Variants in NUDT14 observed in about 807,000 individuals in gnomAD.
NUDT14 encodes the protein nudix hydrolase 14, also known as uridine diphosphate glucose pyrophosphatase NUDT14.
In NUDT14, 22 loss-of-function variants were observed where a neutral mutation model predicts 17.5. The ratio of observed to expected loss-of-function variants is 1.26; its 90% CI spans 0.90 to 1.80. The LOEUF (loss-of-function observed/expected upper bound fraction) is 1.80, where lower values mean the gene tolerates loss of function less well. NUDT14 is among the 40% of genes most tolerant of loss of function. The pLI is 0.00. For missense variants in NUDT14, 296 were observed against 295.6 expected (o/e 1.00, Z -0.01); for synonymous variants, 129 against 125.8 (o/e 1.03, Z -0.17).
intron 2 of NUDT14, 26 bp downstream of exon 2, chr14:105,177,666 G>C: frequency 6.2e-7 from 1 of 1,610,622 alleles, no homozygotes. Context: ...GGCTTCCCCA[G>C]TGGCCAGGCT....
In NUDT14 at chr14:105,176,607, C is replaced by T. The variant is rs774444519; in HGVS notation, c.355G>A (p.Ala119Thr). The T allele has an allele frequency of 6.2e-7, 1 of 1,612,778 alleles. No individual in the cohort carries two copies. Among genetic ancestry groups the T allele is most frequent in the South Asian group, 1.1e-5 (1 of 91,088 alleles). The change falls in exon 4 of 5, where the codon GCT becomes ACT. Residue 119 changes from alanine (A) to threonine (T), a missense_variant. Transcript: ENST00000392568. ...CACTCCTCCCAAGCCTCCTTGCAAG[C>T]CACTTCCTCCAGCGAGAGCCCAGGC... is the stretch of plus-strand genomic sequence containing the variant. Reference protein sequence around the residue: ...DQPGLSLEEVACKEAWEECGY... With the variant: ...DQPGLSLEEVTCKEAWEECGY...
intron 1 of NUDT14, among the ~76,000 whole-genome samples, chr14:105,178,109 C>G (rs1048616937): frequency 1.3e-5 from 2 of 151,988 alleles, no homozygotes; most frequent in Non-Finnish European, 2.9e-5. Context: ...GACTCCCTCA[C>G]AGCAGGGCAG....
At chr14:105,177,087 C>A in intron 2 of NUDT14, 60 bp from the exon 3 acceptor site, 3 of 1,516,910 alleles carry the variant, frequency 2.0e-6, no homozygotes, top group Non-Finnish European at 1.8e-6. Flanking sequence ...TGGGGCCCCA[C>A]CTCCCATCTT....
chr14:105,175,589 C>T (rs1219369575), intron 4 of NUDT14: 10 of 333,568 alleles, frequency 3.0e-5, no homozygotes, highest in East Asian at 1.7e-4. Flanking sequence ...TTAGCAGAGG[C>T]GGGGTTTCTC....
Position 105,176,786 on chromosome 14 carries a change from G to A in NUDT14, c.191-15C>T. On this transcript the variant is annotated splice_polypyrimidine_tract_variant and intron_variant, in intron 3 of 4. Coordinates refer to ENST00000392568, the MANE Select transcript of NUDT14 (RefSeq NM_177533.5). ...CGCATACACAGCTGCGTGGGAAGAA[G>A]CCAGACTGTGCTCACAGCCACGTGG... 2 of 1,608,482 alleles carry A rather than the reference G, an allele frequency of 1.2e-6. No homozygotes were observed. The highest frequency in any genetic ancestry group is 1.7e-6 in the Non-Finnish European group (2 of 1,176,930).
chr14:105,181,204 C>G lies in NUDT14; in HGVS notation c.6G>C (p.Glu2Asp). The change falls in exon 1 of 5, where the codon GAG becomes GAC. Residue 2 changes from glutamate (E) to aspartate (D), a missense_variant. Transcript: ENST00000392568. This position sits in a 1 kb window ranked among gnomAD's most constrained non-coding sequence, Gnocchi z 5.0. M[E>D]RIEGASVGRC... ...GGCCCACGGACGCCCCCTCGATGCG[C>G]TCCATGGCGGCGCCCGGACAGGCGG... The G allele has an allele frequency of 1.7e-6, 2 of 1,157,850 alleles. No homozygotes were observed. Among genetic ancestry groups the G allele is most frequent in the Non-Finnish European group, 2.1e-6 (2 of 936,738 alleles). 71.7% of individuals were successfully genotyped at this position (1,157,850 alleles called of 1,614,324 possible). A position where few individuals can be genotyped will look rare whatever the true frequency, so the allele number is the denominator to read the frequency against.
chr14:105,173,316 T>C lies in NUDT14; in HGVS notation c.429-55A>G. 1 of 1,448,330 alleles carries C rather than the reference T, an allele frequency of 6.9e-7. No homozygotes were observed. The highest frequency in any genetic ancestry group is 1.5e-5 in the South Asian group (1 of 64,550). The allele number at this position is 1,448,330 out of a possible 1,614,324, so 89.7% of individuals were successfully genotyped here. A position where few individuals can be genotyped will look rare whatever the true frequency, so the allele number is the denominator to read the frequency against. On this transcript the variant is annotated intron_variant, in intron 4 of 4. Transcript: ENST00000392568. The surrounding 1 kb of genome is among the most constrained non-coding windows in gnomAD (Gnocchi z 4.7). ...ACCCACGCTGGCCCCGCTGGCCCCC[T>C]GGCCCTTCTACCACCCTCCAACCCA...
chr14:105,179,949 ACTGC>A (rs1889291978), intron 1 of NUDT14, among the ~76,000 whole-genome samples: 1 of 152,226 alleles, frequency 6.6e-6, no homozygotes, highest in South Asian at 2.1e-4. Flanking sequence ...GCAGAGAGGC[ACTGC>A]GACCTGGACC....
chr14:105,180,176 G>A (rs1324571405), intron 1 of NUDT14, among the ~76,000 whole-genome samples: 1 of 152,222 alleles, frequency 6.6e-6, no homozygotes, highest in Non-Finnish European at 1.5e-5. Context: ...GATGGCAGCA[G>A]CTCCTTCACC....
rs1013831800 is a variant in NUDT14, at chr14:105,172,956, T to C, written c.*65A>G. 1.3e-4 allele frequency: 183 copies of C among 1,412,122 alleles called. No individual in the cohort carries two copies. The highest frequency in any genetic ancestry group is 1.6e-4 in the Non-Finnish European group (172 of 1,073,514). The allele number at this position is 1,412,122 out of a possible 1,614,324, so 87.5% of individuals were successfully genotyped here. ...GCAGAAGCTGGAGCTATGCAAGCCTTTATTGGGGTCCGCGGGGTGTGGGGT... is the reference window on the plus strand; with the variant it reads ...GCAGAAGCTGGAGCTATGCAAGCCTCTATTGGGGTCCGCGGGGTGTGGGGT... On this transcript the variant is annotated 3_prime_UTR_variant, in exon 5 of 5. Coordinates refer to ENST00000392568, the MANE Select transcript of NUDT14 (RefSeq NM_177533.5).
chr14:105,175,807 T>C, intron 4 of NUDT14: 1 of 1,038,840 alleles, frequency 9.6e-7, no homozygotes, highest in South Asian at 2.7e-5. Context: ...GGCTCAACCC[T>C]GAGTGGCCCA....
In NUDT14 at chr14:105,181,092, C is replaced by G. The variant is rs1008818114; in HGVS notation, c.81+37G>C. 3.0e-5 allele frequency: 22 copies of G among 742,820 alleles called. No homozygotes were observed. The highest frequency in any genetic ancestry group is 5.9e-5 in the Admixed American group (1 of 16,954). 46.0% of individuals were successfully genotyped at this position (742,820 alleles called of 1,614,324 possible). ...GGGCGCGGGTCGTGGGCCGGGCCGC[C>G]GGCGGGGGCGCGGGGGACGCGGGGG... On this transcript the variant is annotated intron_variant, in intron 1 of 4. Transcript: ENST00000392568. This position sits in a 1 kb window ranked among gnomAD's most constrained non-coding sequence, Gnocchi z 5.0.
chr14:105,173,432 T>C lies in NUDT14; in HGVS notation c.429-171A>G, dbSNP rs949552220. 9.5e-6 allele frequency: 6 copies of C among 631,834 alleles called. No homozygotes were observed. The Admixed American group carries it at 1.6e-4, about 17-fold the overall frequency. The allele number at this position is 631,834 out of a possible 1,614,324, so 39.1% of individuals were successfully genotyped here. A position where few individuals can be genotyped will look rare whatever the true frequency, so the allele number is the denominator to read the frequency against. On this transcript the variant is annotated intron_variant, in intron 4 of 4. Coordinates refer to ENST00000392568, the MANE Select transcript of NUDT14 (RefSeq NM_177533.5). The surrounding 1 kb of genome is among the most constrained non-coding windows in gnomAD (Gnocchi z 4.7). ...GATTCCCACCTGGTGTGCACGCCCG[T>C]GGCCCCTCCCGCAGCAGGGCATCCC...
In NUDT14 at chr14:105,176,713, C is replaced by G. The variant is rs756456051; in HGVS notation, c.249G>C (p.Gln83His). 9 of 1,612,644 alleles carry G rather than the reference C, an allele frequency of 5.6e-6. No homozygotes were observed. The highest frequency in any genetic ancestry group is 5.0e-5 in the Admixed American group (3 of 60,014). ...RFPGSLAAVDQDGPRELQPAL... is the reference protein window; with the variant it reads ...RFPGSLAAVDHDGPRELQPAL... ...CTGGCTGTAGCTCCCGAGGCCCGTC[C>G]TGGTCTACAGCTGCTAGGGACCCTG... Residue 83 changes from glutamine (Q) to histidine (H), a missense_variant, in exon 4 of 5, where the codon CAG becomes CAC. Physicochemically the swap from Gln to His is conservative, Grantham distance 24 (BLOSUM62 0). Coordinates refer to ENST00000392568, the MANE Select transcript of NUDT14 (RefSeq NM_177533.5).
Position 105,176,543 on chromosome 14 carries a change from G to T in NUDT14, c.419C>A (p.Ala140Asp). The T allele has an allele frequency of 6.2e-7, 1 of 1,612,356 alleles. No homozygotes were observed. Among genetic ancestry groups the T allele is most frequent in the South Asian group, 1.1e-5 (1 of 91,080 alleles). Residue 140 changes from alanine to aspartate, a missense_variant, in exon 4 of 5, where the codon GCC (alanine) becomes GAC (aspartate). Physicochemically the swap from Ala to Asp is moderately radical, Grantham distance 126. Coordinates refer to ENST00000392568, the MANE Select transcript of NUDT14 (RefSeq NM_177533.5). ...GCCTGGTCCCACTCACCAGTATGTGGCGACCCGGCGCAGATCAGAGGGGGC... is the reference window on the plus strand; with the variant it reads ...GCCTGGTCCCACTCACCAGTATGTGTCGACCCGGCGCAGATCAGAGGGGGC... ...HLAPSDLRRV[A>D]TYWSGVGLTG...
At chr14:105,177,840 C>T (rs183889098) in intron 1 of NUDT14, 105 bp from the exon 2 acceptor site, 10 of 1,096,854 alleles carry the variant, frequency 9.1e-6, no homozygotes, top group South Asian at 4.1e-5. Flanking sequence ...CCAGGGAGAT[C>T]GGCTCGTGGC....
intron 2 of NUDT14, chr14:105,177,250 G>A: frequency 1.5e-6 from 1 of 649,766 alleles, no homozygotes; most frequent in Admixed American, 2.2e-5. Flanking sequence ...CCAGCTGGCA[G>A]GATGGGAGGC....
At chr14:105,175,651 C>A in intron 4 of NUDT14, 2 of 912,540 alleles carry the variant, frequency 2.2e-6, no homozygotes, top group Non-Finnish European at 2.6e-6. Context: ...CCGCCTGCCT[C>A]GGCCTCCCAA....
Position 105,181,264 on chromosome 14 carries a change from G to A in NUDT14, c.-55C>T, listed in dbSNP as rs1207970579. On this transcript the variant is annotated 5_prime_UTR_variant, in exon 1 of 5. Transcript: ENST00000392568. This position sits in a 1 kb window ranked among gnomAD's most constrained non-coding sequence, Gnocchi z 5.0. ...GCTCTGCGGGGGCCGACACGGGGCG[G>A]CGCCCTGTCCCGACAGGAGCCTTCG... is the stretch of plus-strand genomic sequence containing the variant. 1.6e-5 allele frequency: 11 copies of A among 694,506 alleles called. No individual in the cohort carries two copies. The highest frequency in any genetic ancestry group is 1.7e-5 in the Non-Finnish European group (9 of 540,034). 43.0% of individuals were successfully genotyped at this position (694,506 alleles called of 1,614,324 possible).
Sources: gnomAD v4.1 joint callset for allele counts (sites outside exome capture counted in the v4.1 genomes callset) on GRCh38, gnomAD v4.1.1 for gene constraint, Gnocchi (gnomAD v3.1) non-coding constraint, MANE v1.5 for transcripts, NCBI Gene and HGNC (gene_info 2026-07-23, HGNC 2026-07-21) for gene names.